The following CRTC1 variants were observed in gnomAD, a reference collection of about 807,000 sequenced individuals.
CRTC1 encodes CREB-regulated transcription coactivator 1.
A neutral mutation model predicts 66.1 loss-of-function variants in CRTC1; 18 were observed. The observed-to-expected ratio is 0.27, with a 90% CI of 0.19 to 0.40. CRTC1 has a LOEUF of 0.40. Ranked by LOEUF, CRTC1 falls within the 10% of genes least tolerant of loss-of-function variation. The pLI is 1.00. For missense variants in CRTC1, 669 were observed against 887.9 expected, an observed-to-expected ratio of 0.75 and a Z score of 3.13; for synonymous variants, 416 against 398.8, an observed-to-expected ratio of 1.04 and a Z score of -0.51.
chr19:18,750,839 G>A (rs1210180242), intron 5 of CRTC1, among the ~76,000 whole-genome samples: 1 of 152,196 alleles, frequency 6.6e-6, no homozygotes, highest in Non-Finnish European at 1.5e-5. Context: ...GGAACACCCA[G>A]GGGTGCTGAG....
chr19:18,764,974 G>T (rs1000489414), intron 8 of CRTC1, among the ~76,000 whole-genome samples: 11 of 152,242 alleles, frequency 7.2e-5, no homozygotes, highest in Non-Finnish European at 1.0e-4. Flanking sequence ...AGCAGGCTCA[G>T]ATGCTGCCTC....
rs7259216 is a variant in CRTC1, at chr19:18,706,918, T to G, written c.126+23090T>G. 2.2e-3 allele frequency among the ~76,000 whole-genome samples: 337 copies of G among 152,324 alleles called. 2 individuals are homozygous for G. Among genetic ancestry groups the G allele is most frequent in the African/African-American group, 7.8e-3 (324 of 41,580 alleles). ...GTTGGTGGGTTGTAAGAGTTCTTTA[T>G]ATAGTCTACATATTGATCCCTTATC... On this transcript the variant is annotated intron_variant, in intron 1 of 13. Transcript: ENST00000321949.
intron 1 of CRTC1, among the ~76,000 whole-genome samples, chr19:18,700,383 G>A (rs567297580): frequency 6.6e-6 from 1 of 152,146 alleles, no homozygotes; most frequent in Non-Finnish European, 1.5e-5. Context: ...AGACCACCAC[G>A]GTGCTTGGGG....
chr19:18,729,357 C>T (rs1365619531), intron 1 of CRTC1, among the ~76,000 whole-genome samples: 6 of 149,100 alleles, frequency 4.0e-5, no homozygotes, highest in Admixed American at 1.3e-4. Context: ...ACCCGAGAGG[C>T]GGAGCTTGCA....
At chr19:18,767,324 A>C (rs2054759243) in intron 9 of CRTC1, among the ~76,000 whole-genome samples, 1 of 151,966 alleles carries the variant, frequency 6.6e-6, no homozygotes, top group Non-Finnish European at 1.5e-5. Context: ...TAGCCTCCCA[A>C]GTAGCTGGGA....
In CRTC1 at chr19:18,765,541, G is replaced by C; in HGVS notation, c.1011+13G>C. 1 of 1,596,916 alleles carries C rather than the reference G, an allele frequency of 6.3e-7. No individual in the cohort carries two copies. The highest frequency in any genetic ancestry group is 8.5e-7 in the Non-Finnish European group (1 of 1,174,630). On this transcript the variant is annotated intron_variant, in intron 9 of 13. Transcript: ENST00000321949. ...ACCCATCACTCAGGTGCGAGGGCAA[G>C]GTGGGGGGCAGGTGGGAGGGGGAAA...
intron 1 of CRTC1, among the ~76,000 whole-genome samples, chr19:18,701,178 A>G (rs1164096604): frequency 1.3e-5 from 2 of 152,222 alleles, no homozygotes; most frequent in African/African-American, 2.4e-5. Context: ...AAGGTCCACC[A>G]TGGGGTGGAG....
intron 1 of CRTC1, among the ~76,000 whole-genome samples, chr19:18,715,354 A>G (rs1262664243): frequency 1.3e-5 from 2 of 152,170 alleles, no homozygotes; most frequent in Non-Finnish European, 2.9e-5. Flanking sequence ...TAGTCTCCCA[A>G]GTAGCTGGGA....
chr19:18,728,830 T>TTTTTTTTTTTA (rs1568503830), intron 1 of CRTC1, among the ~76,000 whole-genome samples: 2 of 140,068 alleles, frequency 1.4e-5, no homozygotes, highest in Admixed American at 7.2e-5. Context: ...TTTTTTTTTT[T>TTTTTTTTTTTA]GAGACAGAGT....
At chr19:18,720,215 G>A (rs2053593199) in intron 1 of CRTC1, among the ~76,000 whole-genome samples, 1 of 152,186 alleles carries the variant, frequency 6.6e-6, no homozygotes, top group South Asian at 2.1e-4. Flanking sequence ...CCAGGCTGAA[G>A]TGTAGTGACG....
chr19:18,730,079 C>T (rs1188684978), intron 1 of CRTC1, among the ~76,000 whole-genome samples: 1 of 152,164 alleles, frequency 6.6e-6, no homozygotes, highest in Admixed American at 6.5e-5. Flanking sequence ...TGCCAGCCAT[C>T]CTGTGCTTAT....
At chr19:18,728,815 C>CTTTTTGTTTTTTTTTTTTTTTTTT (rs2053818704) in intron 1 of CRTC1, among the ~76,000 whole-genome samples, 1 of 79,390 alleles carries the variant, frequency 1.3e-5, no homozygotes, top group Admixed American at 1.5e-4. Context: ...CTCACCTGGC[C>CTTTTTGTTTTTTTTTTTTTTTTTT]TTTTTTTTTT....
In CRTC1 at chr19:18,777,465, A is replaced by G. The variant is rs1053438863; in HGVS notation, c.*83A>G. The G allele has an allele frequency of 8.6e-6, 11 of 1,280,564 alleles. No individual in the cohort carries two copies. The highest frequency in any genetic ancestry group is 4.6e-5 in the East Asian group (2 of 43,012). The allele number at this position is 1,280,564 out of a possible 1,614,324, so 79.3% of individuals were successfully genotyped here. A position where few individuals can be genotyped will look rare whatever the true frequency, so the allele number is the denominator to read the frequency against. Reference sequence around the variant, plus strand: ...GACGGCCGTGCTCCGTCCCTCGCCAACGGCCGAGCTTGTGATTCTGAGCTT... The same window carrying G: ...GACGGCCGTGCTCCGTCCCTCGCCAGCGGCCGAGCTTGTGATTCTGAGCTT... On this transcript the variant is annotated 3_prime_UTR_variant, in exon 14 of 14. Coordinates refer to ENST00000321949, the MANE Select transcript of CRTC1 (RefSeq NM_015321.3). The surrounding 1 kb of genome is among the most constrained non-coding windows in gnomAD (Gnocchi z 5.5).
At chr19:18,766,441 A>C (rs893382642) in intron 9 of CRTC1, among the ~76,000 whole-genome samples, 3 of 146,076 alleles carry the variant, frequency 2.1e-5, no homozygotes, top group Non-Finnish European at 3.0e-5. Flanking sequence ...GCCTGACCGT[A>C]ATCCCTTTTT....
intron 1 of CRTC1, among the ~76,000 whole-genome samples, chr19:18,723,816 C>T (rs114000732): frequency 7.9e-5 from 12 of 152,308 alleles, no homozygotes; most frequent in Non-Finnish European, 1.3e-4. Flanking sequence ...TGAGACAGCC[C>T]CTGCGTCGAC....
chr19:18,768,410 CAGG>C lies in CRTC1; in HGVS notation c.1012-74_1012-72del, dbSNP rs2145838805. ...CTTCCACCTCGCCTGCTGAGCATGC[CAGG>C]CTATGGGGGCCCGAGGGGGCCAGGC... On this transcript the variant is annotated intron_variant, in intron 9 of 13. Coordinates refer to ENST00000321949, the MANE Select transcript of CRTC1 (RefSeq NM_015321.3). The surrounding 1 kb of genome is among the most constrained non-coding windows in gnomAD (Gnocchi z 5.6). The C allele has an allele frequency of 7.6e-7, 1 of 1,310,472 alleles. No individual in the cohort carries two copies. The highest frequency in any genetic ancestry group is 2.4e-5 in the East Asian group (1 of 41,568). 81.2% of individuals were successfully genotyped at this position (1,310,472 alleles called of 1,614,324 possible).
rs922649143 is a variant in CRTC1 at position 18,763,377 on chromosome 19, A to G, written c.887-2027A>G. Among the ~76,000 whole-genome samples the G allele has an allele frequency of 6.6e-5, 10 of 152,250 alleles. No individual in the cohort carries two copies. In the South Asian group the frequency reaches 1.5e-3, roughly 22 times the overall value. On this transcript the variant is annotated intron_variant, in intron 8 of 13. Transcript: ENST00000321949. ...CAGCCTCCCAAAGTGCTGGGATTAC[A>G]GGCGTGAGCCACTGTGCCTGGCCGA...
chr19:18,772,573 G>A (rs2054894168), intron 11 of CRTC1, among the ~76,000 whole-genome samples: 2 of 152,132 alleles, frequency 1.3e-5, no homozygotes, highest in Non-Finnish European at 2.9e-5. Context: ...GGCTGAGGTC[G>A]GGCTCCCTTG....
intron 1 of CRTC1, among the ~76,000 whole-genome samples, chr19:18,701,245 G>T (rs541664575): frequency 2.7e-4 from 41 of 152,362 alleles, no homozygotes; most frequent in South Asian, 2.3e-3. Flanking sequence ...TGCTCTATGC[G>T]CCTCTGTTGG....
Sources: gnomAD v4.1 joint callset for allele counts (sites outside exome capture counted in the v4.1 genomes callset) on GRCh38, gnomAD v4.1.1 for gene constraint, Gnocchi (gnomAD v3.1) non-coding constraint, MANE v1.5 for transcripts, NCBI Gene and HGNC (gene_info 2026-07-23, HGNC 2026-07-21) for gene names.